DOK6: variants seen among roughly 807,000 people sequenced by gnomAD.
The protein encoded by DOK6 is downstream of tyrosine kinase 6.
A neutral mutation model predicts 44.0 loss-of-function variants in DOK6; 22 were observed. The ratio of observed to expected loss-of-function variants is 0.50; its 90% confidence interval spans 0.36 to 0.71. The LOEUF (loss-of-function observed/expected upper bound fraction) is 0.71. Ranked by LOEUF, DOK6 falls within the 30% of genes least tolerant of loss-of-function variation. The probability of loss-of-function intolerance (pLI) is 0.00; values close to 1 mark genes in which losing one functional copy is unlikely to be tolerated. For synonymous variants in DOK6, 166 were observed against 145.5 expected, an observed-to-expected ratio of 1.14 and a Z score of -1.01; for missense variants, 340 against 416.4, an observed-to-expected ratio of 0.82 and a Z score of 1.60.
intron 5 of DOK6, 119 bp downstream of exon 5, chr18:69,698,712 G>T: frequency 2.2e-6 from 2 of 912,594 alleles, no homozygotes; most frequent in Non-Finnish European, 3.0e-6. Flanking sequence ...TTTCATTCAG[G>T]GTAAAAGTTA....
chr18:69,636,759 G>A (rs575831829), intron 3 of DOK6, among the ~76,000 whole-genome samples: 2 of 152,118 alleles, frequency 1.3e-5, no homozygotes, highest in Non-Finnish European at 2.9e-5. Context: ...TATGATCAGG[G>A]CTACCAGAAA....
chr18:69,505,994 T>C (rs759771798), intron 1 of DOK6, among the ~76,000 whole-genome samples: 12 of 152,026 alleles, frequency 7.9e-5, no homozygotes, highest in Admixed American at 1.3e-4. Flanking sequence ...AGCTAACTGG[T>C]GGGATCAGTG....
At chr18:69,489,271 TGTC>T (rs747510811) in intron 1 of DOK6, among the ~76,000 whole-genome samples, 22 of 152,286 alleles carry the variant, frequency 1.4e-4, no homozygotes, top group Non-Finnish European at 2.8e-4. Context: ...CTGAAGAAAT[TGTC>T]AGTACAAATA....
In DOK6 at chr18:69,440,504, C is replaced by T. The variant is rs533940624; in HGVS notation, c.66+39194C>T. The stretch of plus-strand genomic sequence containing the variant: ...CTGTAGTTGTTTTCAAGAAGGCATT[C>T]GGAGTAGCCATGAGTCTGTTCTCTG... On this transcript the variant is annotated intron_variant, in intron 1 of 7. Coordinates refer to ENST00000382713, the MANE Select transcript of DOK6 (RefSeq NM_152721.6). 3.9e-5 allele frequency among the ~76,000 whole-genome samples: 6 copies of T among 152,168 alleles called. No individual in the cohort carries two copies. In the South Asian group the frequency reaches 8.3e-4, roughly 21 times the overall value.
intron 2 of DOK6, among the ~76,000 whole-genome samples, chr18:69,591,236 A>G (rs982428052): frequency 6.6e-6 from 1 of 152,158 alleles, no homozygotes; most frequent in East Asian, 1.9e-4. Context: ...ATTCTACTTG[A>G]CAAAATAAAT....
intron 1 of DOK6, among the ~76,000 whole-genome samples, chr18:69,464,540 C>A (rs1483585814): frequency 1.3e-5 from 2 of 152,128 alleles, no homozygotes; most frequent in African/African-American, 4.8e-5. Flanking sequence ...TTTATTTCAC[C>A]ATCTTCAGTC....
At chr18:69,741,317 G>T (rs981197960) in intron 6 of DOK6, among the ~76,000 whole-genome samples, 1 of 152,210 alleles carries the variant, frequency 6.6e-6, no homozygotes, top group African/African-American at 2.4e-5. Flanking sequence ...GTTAATGCTA[G>T]TAAGAACTAC....
chr18:69,834,554 A>G (rs930359751), intron 7 of DOK6, among the ~76,000 whole-genome samples: 2 of 152,202 alleles, frequency 1.3e-5, no homozygotes, highest in African/African-American at 4.8e-5. Context: ...ACAAAAAGAG[A>G]TAAATGCTTG....
intron 2 of DOK6, among the ~76,000 whole-genome samples, chr18:69,582,074 T>A (rs1201187628): frequency 6.6e-6 from 1 of 152,138 alleles, no homozygotes; most frequent in Non-Finnish European, 1.5e-5. Flanking sequence ...CAGAGGAAAC[T>A]TTTTTTAATG....
intron 1 of DOK6, among the ~76,000 whole-genome samples, chr18:69,446,071 T>A (rs1979279787): frequency 6.8e-6 from 1 of 147,062 alleles, no homozygotes; most frequent in African/African-American, 2.5e-5. Flanking sequence ...AATTAATTAA[T>A]TATACTTTAA....
rs1916082553 is a variant in DOK6, at chr18:69,401,025, G to A, written c.-220G>A. 5.7e-6 allele frequency: 1 copy of A among 175,286 alleles called. No homozygotes were observed. Among genetic ancestry groups the A allele is most frequent in the African/African-American group, 2.4e-5 (1 of 41,538 alleles). 10.9% of individuals were successfully genotyped at this position (175,286 alleles called of 1,614,324 possible). On this transcript the variant is annotated 5_prime_UTR_variant, in exon 1 of 8. Coordinates refer to ENST00000382713, the MANE Select transcript of DOK6 (RefSeq NM_152721.6). The stretch of plus-strand genomic sequence containing the variant: ...GCGAAGGTGAGCGCCAGAACGCGGA[G>A]GGCTGGCGCGGCTCGCGGCGCCGGG...
At chr18:69,666,923 T>C (rs1985674186) in intron 3 of DOK6, among the ~76,000 whole-genome samples, 1 of 152,118 alleles carries the variant, frequency 6.6e-6, no homozygotes, top group Non-Finnish European at 1.5e-5. Context: ...TTTAAGGAAA[T>C]AAGTCTGCCT....
At chr18:69,546,404 C>T (rs958787030) in intron 1 of DOK6, among the ~76,000 whole-genome samples, 2 of 151,504 alleles carry the variant, frequency 1.3e-5, no homozygotes, top group African/African-American at 4.8e-5. Context: ...TCCTCTCTTC[C>T]TGAACCTCTC....
At chr18:69,729,887 G>C (rs925407028) in intron 5 of DOK6, among the ~76,000 whole-genome samples, 2 of 152,100 alleles carry the variant, frequency 1.3e-5, no homozygotes, top group African/African-American at 4.8e-5. Flanking sequence ...TCTAATAAAG[G>C]CTTTCAAAAA....
rs114607427 is a variant in DOK6, at chr18:69,671,367, T to A, written c.290-6367T>A. On this transcript the variant is annotated intron_variant, in intron 3 of 7. Coordinates refer to ENST00000382713, the MANE Select transcript of DOK6 (RefSeq NM_152721.6). ...TAAATCAAGGAAAACAAGTCATGAT[T>A]ATCTGCATCAAAGATGCATTTAGGT... 5.4e-3 allele frequency among the ~76,000 whole-genome samples: 816 copies of A among 152,348 alleles called. 6 individuals are homozygous for A. Among genetic ancestry groups the A allele is most frequent in the African/African-American group, 0.019 (798 of 41,572 alleles).
chr18:69,819,626 C>G (rs1171106148), intron 7 of DOK6, among the ~76,000 whole-genome samples: 1 of 152,200 alleles, frequency 6.6e-6, no homozygotes, highest in East Asian at 1.9e-4. Flanking sequence ...ACTTATTCAT[C>G]TTGCATAACT....
At chr18:69,791,542 C>T (rs1352790264) in intron 7 of DOK6, among the ~76,000 whole-genome samples, 6 of 152,072 alleles carry the variant, frequency 3.9e-5, no homozygotes, top group East Asian at 1.9e-4. Context: ...GTTTGCCATT[C>T]GTATGTCTTC....
intron 1 of DOK6, among the ~76,000 whole-genome samples, chr18:69,474,988 C>T (rs1030026259): frequency 5.9e-5 from 9 of 152,034 alleles, no homozygotes; most frequent in African/African-American, 2.2e-4. Context: ...TCTTATATCA[C>T]AAAAATATAG....
chr18:69,757,994 T>G, intron 7 of DOK6, 121 bp downstream of exon 7: 35 of 818,072 alleles, frequency 4.3e-5, no homozygotes, highest in Non-Finnish European at 6.6e-5. Flanking sequence ...TTATCAGCTG[T>G]CACTGGCCAC....
Sources: gnomAD v4.1 joint callset for allele counts (sites outside exome capture counted in the v4.1 genomes callset) on GRCh38, gnomAD v4.1.1 for gene constraint, MANE v1.5 for transcripts, NCBI Gene and HGNC (gene_info 2026-07-23, HGNC 2026-07-21) for gene names.